The following DLG2 variants were observed in gnomAD, a reference collection of about 807,000 sequenced individuals.
DLG2 encodes disks large homolog 2.
In DLG2, 45 loss-of-function variants were observed where a neutral mutation model predicts 132.5. The observed-to-expected ratio is 0.34, with a 90% CI of 0.27 to 0.44. The LOEUF (loss-of-function observed/expected upper bound fraction) is 0.44. DLG2 is among the 20% of genes least tolerant of loss of function. The probability of loss-of-function intolerance (pLI) is 1.00; values close to 1 mark genes in which losing one functional copy is unlikely to be tolerated. For synonymous variants in DLG2, 424 were observed against 419.6 expected (o/e 1.01, Z -0.13); for missense variants, 1,045 against 1,196.9 (o/e 0.87, Z 1.87).
chr11:85,048,757 T>C (rs767138561), intron 6 of DLG2, among the ~76,000 whole-genome samples: 4 of 152,040 alleles, frequency 2.6e-5, no homozygotes, highest in Non-Finnish European at 5.9e-5. Context: ...TGTGAATACT[T>C]CAACAGAATA....
At chr11:85,394,243 C>T (rs1281940358) in intron 3 of DLG2, among the ~76,000 whole-genome samples, 1 of 152,078 alleles carries the variant, frequency 6.6e-6, no homozygotes, top group Non-Finnish European at 1.5e-5. Context: ...TTGATTTAGC[C>T]ATTCCACTAT....
chr11:85,473,655 CA>C (rs1191390483), intron 3 of DLG2, among the ~76,000 whole-genome samples: 2 of 151,296 alleles, frequency 1.3e-5, no homozygotes, highest in African/African-American at 2.4e-5. Flanking sequence ...TACAATGTAT[CA>C]AAAAATAGAA....
intron 18 of DLG2, among the ~76,000 whole-genome samples, chr11:83,676,589 A>G (rs1204200681): frequency 1.3e-5 from 2 of 152,212 alleles, no homozygotes; most frequent in Non-Finnish European, 2.9e-5. Context: ...AAATAAACTT[A>G]TCTCATTTAT....
At chr11:85,036,633 T>G (rs2061458309) in intron 6 of DLG2, among the ~76,000 whole-genome samples, 1 of 152,228 alleles carries the variant, frequency 6.6e-6, no homozygotes, top group African/African-American at 2.4e-5. Context: ...TCTATAAATA[T>G]TACCATGCAT....
chr11:84,388,951 G>C (rs1208840319), intron 7 of DLG2, among the ~76,000 whole-genome samples: 1 of 152,088 alleles, frequency 6.6e-6, no homozygotes, highest in Non-Finnish European at 1.5e-5. Context: ...TTAGCTTAGA[G>C]ATTGAGTTTG....
chr11:85,230,487 G>A (rs893651971), intron 4 of DLG2, among the ~76,000 whole-genome samples: 23 of 151,402 alleles, frequency 1.5e-4, no homozygotes, highest in Non-Finnish European at 2.2e-4. Context: ...TTCGAAAGAC[G>A]TGTTTATGGA....
intron 16 of DLG2, among the ~76,000 whole-genome samples, chr11:83,852,534 T>C (rs2059951783): frequency 6.6e-6 from 1 of 152,232 alleles, no homozygotes; most frequent in African/African-American, 2.4e-5. Flanking sequence ...CATGAATGCA[T>C]CATTAATTAC....
chr11:84,782,984 A>G (rs2072108806), intron 6 of DLG2, among the ~76,000 whole-genome samples: 2 of 152,066 alleles, frequency 1.3e-5, no homozygotes, highest in Non-Finnish European at 1.5e-5. Flanking sequence ...AGTCCTTCCT[A>G]TGTATGAAGC....
intron 11 of DLG2, among the ~76,000 whole-genome samples, chr11:84,019,786 A>C (rs967983035): frequency 6.6e-6 from 1 of 152,186 alleles, no homozygotes; most frequent in African/African-American, 2.4e-5. Context: ...ATTTCCGGCA[A>C]ACTACTGGAA....
intron 11 of DLG2, among the ~76,000 whole-genome samples, chr11:84,036,498 TA>T (rs2095866318): frequency 6.6e-6 from 1 of 152,146 alleles, no homozygotes; most frequent in African/African-American, 2.4e-5. Flanking sequence ...CTAACGTTTT[TA>T]ACTCAAAGGC....
At chr11:83,507,758 TTATATATATATATATATATATATA>T (rs59086507) in intron 21 of DLG2, among the ~76,000 whole-genome samples, 2,309 of 99,892 alleles carry the variant, frequency 0.023, 94 homozygotes, top group African/African-American at 0.079. Context: ...TATATTTTTA[TTATATATATATATATATATATATA>T]TATATATATA....
chr11:85,038,054 A>C (rs753096124), intron 6 of DLG2, among the ~76,000 whole-genome samples: 44 of 152,104 alleles, frequency 2.9e-4, no homozygotes, highest in Non-Finnish European at 5.1e-4. Context: ...GATAAAACCA[A>C]TGCATGTAAA....
chr11:83,882,091 G>T (rs2066432078), intron 15 of DLG2, among the ~76,000 whole-genome samples: 2 of 152,026 alleles, frequency 1.3e-5, no homozygotes, highest in South Asian at 4.1e-4. Context: ...ATTTACGTAA[G>T]AAAAATGAAA....
At chr11:85,488,343 C>T (rs550983509) in intron 3 of DLG2, among the ~76,000 whole-genome samples, 4 of 151,684 alleles carry the variant, frequency 2.6e-5, no homozygotes, top group Non-Finnish European at 4.4e-5. Flanking sequence ...GAGCCGAGAT[C>T]GCACCACTGC....
At chr11:84,157,065 T>C (rs559442357) in intron 9 of DLG2, among the ~76,000 whole-genome samples, 1 of 152,258 alleles carries the variant, frequency 6.6e-6, no homozygotes, top group East Asian at 1.9e-4. Context: ...TTTTTAATAA[T>C]AGTGACAGGA....
chr11:85,513,398 C>CA (rs1279649738), intron 3 of DLG2, among the ~76,000 whole-genome samples: 3 of 151,556 alleles, frequency 2.0e-5, no homozygotes, highest in African/African-American at 7.3e-5. Context: ...AAAAGGTAAA[C>CA]ATTATGGATT....
intron 3 of DLG2, among the ~76,000 whole-genome samples, chr11:85,410,045 A>G (rs1253527210): frequency 6.6e-6 from 1 of 151,916 alleles, no homozygotes; most frequent in African/African-American, 2.4e-5. Flanking sequence ...ATAGCATACT[A>G]GAATCTTTTA....
intron 11 of DLG2, among the ~76,000 whole-genome samples, chr11:83,993,741 T>C (rs1233880717): frequency 6.6e-6 from 1 of 152,146 alleles, no homozygotes; most frequent in Non-Finnish European, 1.5e-5. Context: ...TCTATGCAGT[T>C]TTTCCAAGTT....
chr11:84,737,888 G>A (rs542153764), intron 6 of DLG2, among the ~76,000 whole-genome samples: 1 of 152,156 alleles, frequency 6.6e-6, no homozygotes, highest in Admixed American at 6.5e-5. Context: ...AGTTGTAATG[G>A]CATTCACTGA....
Sources: allele counts gnomAD v4.1 joint callset (sites outside exome capture counted in the v4.1 genomes callset), GRCh38; gene constraint gnomAD v4.1.1; transcripts MANE v1.5; gene names NCBI Gene and HGNC (gene_info 2026-07-23, HGNC 2026-07-21).